Variants in NFXL1 observed in about 807,000 individuals in gnomAD.
NFXL1 encodes NF-X1-type zinc finger protein NFXL1.
Under a neutral mutation model 123.3 loss-of-function variants are expected in NFXL1, and 66 were observed. The ratio of observed to expected loss-of-function variants is 0.54; its 90% CI spans 0.44 to 0.66. NFXL1 has a LOEUF of 0.66. Among genes scored for constraint, NFXL1 ranks in the 30% least tolerant of loss-of-function variants. NFXL1 has a pLI of 0.00. For missense variants in NFXL1, 944 were observed against 1,125.6 expected (o/e 0.84, Z 2.31); for synonymous variants, 346 against 360.8 (o/e 0.96, Z 0.46).
rs1161725598 is a variant in NFXL1, at chr4:47,880,372, C to G, written c.1917-1255G>C. The stretch of plus-strand genomic sequence containing the variant: ...CAGGCTGCAGTGGGCTGTGATGAAG[C>G]AACTGCACTCCTTCTCCATGAAAAG... On this transcript the variant is annotated intron_variant, in intron 15 of 22. Coordinates refer to ENST00000507489, the MANE Select transcript of NFXL1 (RefSeq NM_001278624.2). 2.1e-5 allele frequency among the ~76,000 whole-genome samples: 3 copies of G among 140,578 alleles called. No homozygotes were observed. In the East Asian group the frequency reaches 6.4e-4, roughly 30 times the overall value. The allele number at this position is 140,578 out of a possible 152,430, so 92.2% of individuals were successfully genotyped here. A position where few individuals can be genotyped will look rare whatever the true frequency, so the allele number is the denominator to read the frequency against.
chr4:47,894,357 C>T (rs1360869453), intron 10 of NFXL1, 55 bp from the exon 11 acceptor site: 10 of 1,307,786 alleles, frequency 7.6e-6, no homozygotes, highest in Non-Finnish European at 1.0e-5. Context: ...ATTTTTTCCT[C>T]ACATTGCAAC....
intron 18 of NFXL1, among the ~76,000 whole-genome samples, chr4:47,874,379 T>C (rs1016156248): frequency 9.2e-5 from 14 of 152,192 alleles, no homozygotes; most frequent in African/African-American, 3.4e-4. Flanking sequence ...TAGAGGCCAC[T>C]GTAGAGTTAT....
At chr4:47,871,396 T>C (rs1735424097) in intron 18 of NFXL1, among the ~76,000 whole-genome samples, 1 of 152,100 alleles carries the variant, frequency 6.6e-6, no homozygotes, top group Non-Finnish European at 1.5e-5. Context: ...CTTGGTTATT[T>C]CCATGGGTTT....
rs1298956541 is a variant in NFXL1 at position 47,851,092 on chromosome 4, T to A, written c.2562+3A>T. ...CATAAATCTGGGTATTTTGTTTGGTTACCTGTTGTCTTCGTTTTTCTTCTT... is the reference window on the plus strand; with the variant it reads ...CATAAATCTGGGTATTTTGTTTGGTAACCTGTTGTCTTCGTTTTTCTTCTT... On this transcript the variant is annotated splice_donor_region_variant and intron_variant, in intron 22 of 22. Coordinates refer to ENST00000507489, the MANE Select transcript of NFXL1 (RefSeq NM_001278624.2). 5.6e-6 allele frequency: 9 copies of A among 1,607,880 alleles called. No homozygotes were observed. The highest frequency in any genetic ancestry group is 7.7e-6 in the Non-Finnish European group (9 of 1,174,432).
At chr4:47,865,397 T>C (rs1269306528) in intron 18 of NFXL1, among the ~76,000 whole-genome samples, 1 of 151,284 alleles carries the variant, frequency 6.6e-6, no homozygotes, top group Non-Finnish European at 1.5e-5. Context: ...AAAAAACATA[T>C]AGCTCATTAA....
intron 19 of NFXL1, among the ~76,000 whole-genome samples, chr4:47,857,856 T>C (rs1272925935): frequency 1.3e-5 from 2 of 152,228 alleles, no homozygotes; most frequent in Non-Finnish European, 2.9e-5. Flanking sequence ...GTGGTTTAAG[T>C]AGTCATCTCA....
chr4:47,872,157 A>G (rs565624336), intron 18 of NFXL1, among the ~76,000 whole-genome samples: 3 of 152,328 alleles, frequency 2.0e-5, no homozygotes, highest in South Asian at 4.1e-4. Flanking sequence ...TTTTAAATCT[A>G]TAACTTAAAA....
chr4:47,907,129 G>A (rs572265673), intron 3 of NFXL1, among the ~76,000 whole-genome samples: 6 of 152,350 alleles, frequency 3.9e-5, no homozygotes, highest in African/African-American at 1.4e-4. Flanking sequence ...CACAGGCAGA[G>A]TAAGGGTAGA....
At chr4:47,892,835 C>G (rs1175755608) in intron 11 of NFXL1, among the ~76,000 whole-genome samples, 1 of 152,142 alleles carries the variant, frequency 6.6e-6, no homozygotes, top group Non-Finnish European at 1.5e-5. Flanking sequence ...CAAAAATCAT[C>G]TAGCAGACAA....
At chr4:47,903,710 T>A (rs1354683750) in intron 4 of NFXL1, among the ~76,000 whole-genome samples, 1 of 152,160 alleles carries the variant, frequency 6.6e-6, no homozygotes, top group African/African-American at 2.4e-5. Context: ...TAGACTTACG[T>A]ACTTAAATTT....
In NFXL1 at chr4:47,914,107, CGCCGCGGAGATG is replaced by C; in HGVS notation, c.85_96del (p.His29_Gly32del). 1 of 1,552,718 alleles carries C rather than the reference CGCCGCGGAGATG, an allele frequency of 6.4e-7. No individual in the cohort carries two copies. The highest frequency in any genetic ancestry group is 8.7e-7 in the Non-Finnish European group (1 of 1,148,370). ...GACCCCTTCTCTCGCCCTCCTCCGG[CGCCGCGGAGATG>C]GACTCCATTTCCTGAGGGGGCGGCA... is the stretch of plus-strand genomic sequence containing the variant. On this transcript the variant is annotated inframe_deletion, in exon 2 of 23. Coordinates refer to ENST00000507489, the MANE Select transcript of NFXL1 (RefSeq NM_001278624.2).
chr4:47,914,027 A>G lies in NFXL1; in HGVS notation c.177T>C (p.Ala59=). The change falls in exon 2 of 23, where the codon GCT becomes GCC. Residue 59 remains alanine (A), a synonymous_variant. Transcript: ENST00000507489. ...TSPGGVATTA[A]AGSRHSPAGS... ...CTGCGGGGCTGTGCCTGCTCCCTGC[A>G]GCCGCCGTGGTCGCGACTCCTCCGG... 1 of 1,548,824 alleles carries G rather than the reference A, an allele frequency of 6.5e-7. No homozygotes were observed. The highest frequency in any genetic ancestry group is 8.7e-7 in the Non-Finnish European group (1 of 1,146,902).
intron 11 of NFXL1, among the ~76,000 whole-genome samples, chr4:47,893,181 AT>A (rs576259447): frequency 4.1e-4 from 62 of 152,296 alleles, no homozygotes; most frequent in African/African-American, 1.5e-3. Context: ...AGACTGAAAA[AT>A]AAATAGTATC....
chr4:47,898,104 C>A, intron 8 of NFXL1, 23 bp from the exon 9 acceptor site: 1 of 1,417,350 alleles, frequency 7.1e-7, no homozygotes, highest in Non-Finnish European at 9.8e-7. Context: ...GCAATAAACA[C>A]TAATGAAGGA....
At position 47,896,638 on chromosome 4, in the gene NFXL1, A is replaced by G. The variant is rs1219921624; in HGVS notation, c.1214T>C (p.Leu405Ser). 1.2e-6 allele frequency: 2 copies of G among 1,606,670 alleles called. No homozygotes were observed. Among genetic ancestry groups the G allele is most frequent in the South Asian group, 2.2e-5 (2 of 90,656 alleles). Reference sequence around the variant, plus strand: ...AGTTGGTACATCTTCTGTACAAGGCAAAGAAAACTCTAAAAACATACAAAA... The same window carrying G: ...AGTTGGTACATCTTCTGTACAAGGCGAAGAAAACTCTAAAAACATACAAAA... Reference protein sequence around the residue: ...FCPCQKSKFSLPCTEDVPTCG... With the variant: ...FCPCQKSKFSSPCTEDVPTCG... Residue 405 changes from leucine to serine, a missense_variant, in exon 10 of 23, where the codon TTG (leucine) becomes TCG (serine). By Grantham distance (145) the Leu-to-Ser change is moderately radical. Coordinates refer to ENST00000507489, the MANE Select transcript of NFXL1 (RefSeq NM_001278624.2).
chr4:47,871,408 T>C (rs1348575962), intron 18 of NFXL1, among the ~76,000 whole-genome samples: 2 of 152,114 alleles, frequency 1.3e-5, no homozygotes, highest in Non-Finnish European at 2.9e-5. Flanking sequence ...CATGGGTTTC[T>C]ATGCTCTAGA....
intron 15 of NFXL1, among the ~76,000 whole-genome samples, chr4:47,881,630 AAAATG>A (rs1244475598): frequency 6.6e-6 from 1 of 152,206 alleles, no homozygotes; most frequent in East Asian, 1.9e-4. Flanking sequence ...GGAAGCAACC[AAAATG>A]TTCTTCTATG....
intron 19 of NFXL1, among the ~76,000 whole-genome samples, chr4:47,860,033 G>A (rs1313475790): frequency 3.9e-5 from 6 of 151,906 alleles, no homozygotes; most frequent in Non-Finnish European, 8.8e-5. Context: ...ATTTCAGTTA[G>A]ATATGAGGAA....
In NFXL1 at chr4:47,914,484, A is replaced by C; in HGVS notation, c.-122T>G. The C allele has an allele frequency of 2.7e-6, 1 of 371,586 alleles. No individual in the cohort carries two copies. 23.0% of individuals were successfully genotyped at this position (371,586 alleles called of 1,614,324 possible). A position where few individuals can be genotyped will look rare whatever the true frequency, so the allele number is the denominator to read the frequency against. On this transcript the variant is annotated 5_prime_UTR_variant, in exon 1 of 23. Coordinates refer to ENST00000507489, the MANE Select transcript of NFXL1 (RefSeq NM_001278624.2). The stretch of plus-strand genomic sequence containing the variant: ...CACAGTGCCGAAGACAGAAAGCCGG[A>C]GGAGAAGTCGAAACCGCCTCCTCAG...
Sources: gnomAD v4.1 joint callset for allele counts (sites outside exome capture counted in the v4.1 genomes callset) on GRCh38, gnomAD v4.1.1 for gene constraint, MANE v1.5 for transcripts, NCBI Gene and HGNC (gene_info 2026-07-23, HGNC 2026-07-21) for gene names.